DHTKD1: variants seen among roughly 807,000 people sequenced by gnomAD.
DHTKD1 encodes 2-oxoadipate dehydrogenase complex component E1.
In DHTKD1, 78 loss-of-function variants were observed where a neutral mutation model predicts 101.8. The observed-to-expected ratio is 0.77, with a 90% CI of 0.64 to 0.93. The LOEUF (loss-of-function observed/expected upper bound fraction) is 0.93. Among genes scored for constraint, DHTKD1 ranks in the 40% least tolerant of loss-of-function variants. The pLI, the probability that DHTKD1 is intolerant of heterozygous loss-of-function variation, is 0.00. For missense variants in DHTKD1, 1,223 were observed against 1,161.7 expected, an observed-to-expected ratio of 1.05 and a Z score of -0.77; for synonymous variants, 462 against 450.3, an observed-to-expected ratio of 1.03 and a Z score of -0.33.
intron 10 of DHTKD1, among the ~76,000 whole-genome samples, chr10:12,104,215 G>T (rs531233480): frequency 1.3e-5 from 2 of 152,258 alleles, no homozygotes; most frequent in Admixed American, 1.3e-4. Context: ...GTCTTGCTCT[G>T]TTGCCCAGGC....
intron 16 of DHTKD1, 162 bp downstream of exon 16, chr10:12,120,429 G>A (rs1833507837): frequency 1.7e-6 from 1 of 591,058 alleles, no homozygotes; most frequent in South Asian, 2.0e-5. Flanking sequence ...CGCCCCCCGG[G>A]TTCACGCCAT....
In DHTKD1 at chr10:12,106,362, T is replaced by C. The variant is rs561946429; in HGVS notation, c.2013T>C (p.Gly671=). Reference sequence around the variant, plus strand: ...CACAGTTTGGCGATTTCTTCAATGGTGCCCAGATCATCTTTGACACATTCA... The same window carrying C: ...CACAGTTTGGCGATTTCTTCAATGGCGCCCAGATCATCTTTGACACATTCA... The part of the protein sequence containing the change: ...WEAQFGDFFN[G]AQIIFDTFIS... The change falls in exon 11 of 17, where the codon GGT becomes GGC. Residue 671 remains glycine, a synonymous_variant. Coordinates refer to ENST00000263035, the MANE Select transcript of DHTKD1 (RefSeq NM_018706.7). 1.2e-6 allele frequency: 2 copies of C among 1,614,204 alleles called. No individual in the cohort carries two copies. Among genetic ancestry groups the C allele is most frequent in the African/African-American group, 2.7e-5 (2 of 75,066 alleles).
chr10:12,118,925 G>A lies in DHTKD1; in HGVS notation c.2572+7G>A. On this transcript the variant is annotated splice_region_variant and intron_variant, in intron 15 of 16. Transcript: ENST00000263035. ...AAATACAAACATGTTAAAGGTAAGA[G>A]GTTGTTCTCATTTGGGTTTTGATGT... is the stretch of plus-strand genomic sequence containing the variant. 1 of 1,519,638 alleles carries A rather than the reference G, an allele frequency of 6.6e-7. No individual in the cohort carries two copies. Among genetic ancestry groups the A allele is most frequent in the South Asian group, 1.3e-5 (1 of 78,646 alleles). 94.1% of individuals were successfully genotyped at this position (1,519,638 alleles called of 1,614,324 possible).
At position 12,071,200 on chromosome 10, in the gene DHTKD1, G is replaced by A. The variant is rs373129657; in HGVS notation, c.154+2013G>A. On this transcript the variant is annotated intron_variant, in intron 1 of 16. Coordinates refer to ENST00000263035, the MANE Select transcript of DHTKD1 (RefSeq NM_018706.7). ...GGATATCTTCTTTCCTTCCCCTTACGGTCATGACCCAGAAGTTGCATACAT... is the reference window on the plus strand; with the variant it reads ...GGATATCTTCTTTCCTTCCCCTTACAGTCATGACCCAGAAGTTGCATACAT... 2.6e-5 allele frequency among the ~76,000 whole-genome samples: 4 copies of A among 152,166 alleles called. No individual in the cohort carries two copies. In the East Asian group the frequency reaches 5.8e-4, roughly 22 times the overall value.
intron 7 of DHTKD1, among the ~76,000 whole-genome samples, chr10:12,095,588 C>T (rs1240071780): frequency 1.3e-5 from 2 of 151,616 alleles, no homozygotes; most frequent in Non-Finnish European, 2.9e-5. Flanking sequence ...CCGAGGCGGG[C>T]GGATCACGAG....
chr10:12,104,859 C>A (rs9424148), intron 10 of DHTKD1, among the ~76,000 whole-genome samples: 109,616 of 151,778 alleles, frequency 0.72, 40,540 homozygotes, highest in South Asian at 0.85. Flanking sequence ...ATTTCTCAAA[C>A]CAAGATCAAC....
Position 12,123,147 on chromosome 10 carries a change from T to C in DHTKD1, c.*2259T>C, listed in dbSNP as rs887402685. ...AAATCAGTAAAATCACAAAGGTCTA[T>C]TTAATGAAAACGATTTACCAATGTT... On this transcript the variant is annotated 3_prime_UTR_variant, in exon 17 of 17. Transcript: ENST00000263035. The C allele has an allele frequency of 6.6e-6, 1 of 152,214 alleles. No individual in the cohort carries two copies. Among genetic ancestry groups the C allele is most frequent in the Admixed American group, 6.5e-5 (1 of 15,282 alleles). The allele number at this position is 152,214 out of a possible 1,614,324, so 9.4% of individuals were successfully genotyped here.
At chr10:12,089,818 G>A (rs10906073) in intron 5 of DHTKD1, among the ~76,000 whole-genome samples, 19,084 of 151,636 alleles carry the variant, frequency 0.13, 1,259 homozygotes, top group East Asian at 0.2. Flanking sequence ...CTACAGGCAC[G>A]TGCCACCACG....
chr10:12,117,071 C>G (rs1375428411), intron 13 of DHTKD1, among the ~76,000 whole-genome samples: 1 of 151,992 alleles, frequency 6.6e-6, no homozygotes, highest in Non-Finnish European at 1.5e-5. Flanking sequence ...GGTGCGATTT[C>G]AGCTCACTGC....
In DHTKD1 at chr10:12,091,504, A is replaced by C; in HGVS notation, c.988-9A>C. On this transcript the variant is annotated splice_polypyrimidine_tract_variant and intron_variant, in intron 5 of 16. Transcript: ENST00000263035. ...TCTCCCCACCCGCTCCCCTTGCCTC[A>C]TGATTTAGGTCCATGGTGATGCTTC... 1.9e-6 allele frequency: 3 copies of C among 1,553,348 alleles called. No individual in the cohort carries two copies. The highest frequency in any genetic ancestry group is 2.6e-6 in the Non-Finnish European group (3 of 1,144,248).
At position 12,105,493 on chromosome 10, in the gene DHTKD1, C is replaced by CT. The variant is rs991918796; in HGVS notation, c.1897-746dup. On this transcript the variant is annotated intron_variant, in intron 10 of 16. Coordinates refer to ENST00000263035, the MANE Select transcript of DHTKD1 (RefSeq NM_018706.7). The stretch of plus-strand genomic sequence containing the variant: ...ACCATGCCCAGCTAATTTTTGTCTG[C>CT]TTTTTTTAGAGATGGGGTTTTGCCA... Among the ~76,000 whole-genome samples, 4 of 151,560 alleles carry CT rather than the reference C, an allele frequency of 2.6e-5. No homozygotes were observed. In the East Asian group the frequency reaches 7.8e-4, roughly 30 times the overall value.
At chr10:12,117,304 C>CTTTTTTTTT (rs71382683) in intron 13 of DHTKD1, among the ~76,000 whole-genome samples, 1 of 71,574 alleles carries the variant, frequency 1.4e-5, no homozygotes. Context: ...GCCACGGCAC[C>CTTTTTTTTT]TTTTTTTTTT....
chr10:12,073,828 A>G (rs150746971), intron 1 of DHTKD1, among the ~76,000 whole-genome samples: 82 of 152,304 alleles, frequency 5.4e-4, no homozygotes, highest in Middle Eastern at 6.8e-3. Flanking sequence ...TCTAAGTTTG[A>G]GGGCTCTGAA....
At chr10:12,085,030 A>G (rs370235278) in intron 3 of DHTKD1, among the ~76,000 whole-genome samples, 2 of 150,532 alleles carry the variant, frequency 1.3e-5, no homozygotes, top group African/African-American at 4.9e-5. Flanking sequence ...CACCCTGGGT[A>G]ACAAGAGTGA....
intron 9 of DHTKD1, 27 bp downstream of exon 9, chr10:12,100,289 T>TTTTTTTTTG: frequency 4.9e-6 from 4 of 819,398 alleles, no homozygotes; most frequent in Non-Finnish European, 5.4e-6. Context: ...TTTTTTCTGT[T>TTTTTTTTTG]TTTTTTTTTT....
At chr10:12,098,230 C>A (rs1833104185) in intron 8 of DHTKD1, among the ~76,000 whole-genome samples, 1 of 152,106 alleles carries the variant, frequency 6.6e-6, no homozygotes, top group Non-Finnish European at 1.5e-5. Context: ...TCATACATTA[C>A]ATGTACCTGG....
chr10:12,077,669 T>C (rs533532602), intron 1 of DHTKD1, among the ~76,000 whole-genome samples: 101 of 152,326 alleles, frequency 6.6e-4, no homozygotes, highest in African/African-American at 2.4e-3. Flanking sequence ...AGAGAACTAA[T>C]GATAGGGAGA....
intron 1 of DHTKD1, among the ~76,000 whole-genome samples, chr10:12,073,964 T>C (rs1353916663): frequency 1.3e-5 from 2 of 152,226 alleles, no homozygotes; most frequent in Non-Finnish European, 1.5e-5. Flanking sequence ...TTCTCCTTTA[T>C]TTTTAAGAGG....
chr10:12,119,586 A>T (rs981562889), intron 15 of DHTKD1, among the ~76,000 whole-genome samples: 1 of 144,684 alleles, frequency 6.9e-6, no homozygotes, highest in Admixed American at 7.1e-5. Context: ...ACTGCACTCC[A>T]GCCTGGGCGA....
Sources: gnomAD v4.1 joint callset for allele counts (sites outside exome capture counted in the v4.1 genomes callset) on GRCh38, gnomAD v4.1.1 for gene constraint, MANE v1.5 for transcripts, NCBI Gene and HGNC (gene_info 2026-07-23, HGNC 2026-07-21) for gene names.